XDH: variants seen among roughly 807,000 people sequenced by gnomAD.
The protein encoded by XDH is xanthine dehydrogenase/oxidase.
In XDH, 138 loss-of-function variants were observed where a neutral mutation model predicts 156.1. The observed-to-expected ratio is 0.88, with a 90% confidence interval of 0.77 to 1.02. XDH has a LOEUF of 1.02. Among genes scored for constraint, XDH ranks in the 50% least tolerant of loss-of-function variants. XDH has a pLI of 0.00. For synonymous variants in XDH, 669 were observed against 625.7 expected (o/e 1.07, Z -1.03); for missense variants, 1,849 against 1,684.9 (o/e 1.10, Z -1.71).
chr2:31,383,194 T>C (rs1274591595), intron 10 of XDH, 42 bp from the exon 11 acceptor site: 11 of 1,613,832 alleles, frequency 6.8e-6, no homozygotes, highest in Non-Finnish European at 9.3e-6. Flanking sequence ...CTTCCCACAG[T>C]TCAGAAGAGG....
intron 24 of XDH, among the ~76,000 whole-genome samples, chr2:31,354,906 G>C (rs1685585221): frequency 6.6e-6 from 1 of 152,180 alleles, no homozygotes; most frequent in African/African-American, 2.4e-5. Flanking sequence ...AAGGTTTCAA[G>C]ATATGTAAAC....
intron 31 of XDH, among the ~76,000 whole-genome samples, chr2:31,343,244 A>C (rs1175024130): frequency 1.4e-5 from 2 of 144,078 alleles, no homozygotes; most frequent in Non-Finnish European, 3.0e-5. Context: ...TGTAGGTCAG[A>C]TATTAAAAAC....
At chr2:31,367,075 C>A in intron 20 of XDH, 81 bp from the exon 21 acceptor site, 1 of 1,609,728 alleles carries the variant, frequency 6.2e-7, no homozygotes, top group East Asian at 2.2e-5. Context: ...GTATACTCTG[C>A]CAAGTGGTCT....
chr2:31,410,877 G>C (rs949090284), intron 1 of XDH, among the ~76,000 whole-genome samples: 1 of 152,174 alleles, frequency 6.6e-6, no homozygotes, highest in Non-Finnish European at 1.5e-5. Context: ...GCTGGGGTTG[G>C]GGAGTTATAA....
chr2:31,348,414 T>C (rs1225099446), intron 27 of XDH, 51 bp from the exon 28 acceptor site: 1 of 1,578,910 alleles, frequency 6.3e-7, no homozygotes, highest in Non-Finnish European at 8.7e-7. Context: ...ATCCAACTCA[T>C]TAAGGTTTGG....
rs1684957644 is a variant in XDH at position 31,335,874 on chromosome 2, A to G, written c.*84T>C. ...ACAGGTCTGTCATTCTGTGACTTTA[A>G]TAGATCCATGTTCTGTGGTATGTTC... On this transcript the variant is annotated 3_prime_UTR_variant, in exon 36 of 36. Coordinates refer to ENST00000379416, the MANE Select transcript of XDH (RefSeq NM_000379.4). The G allele has an allele frequency of 4.1e-6, 6 of 1,478,574 alleles. No homozygotes were observed. Among genetic ancestry groups the G allele is most frequent in the African/African-American group, 1.4e-5 (1 of 72,026 alleles). The allele number at this position is 1,478,574 out of a possible 1,614,324, so 91.6% of individuals were successfully genotyped here.
chr2:31,370,450 C>A lies in XDH; in HGVS notation c.1885G>T (p.Val629Phe), dbSNP rs148464316. The A allele has an allele frequency of 5.4e-4, 874 of 1,614,178 alleles. 3 individuals are homozygous for A. Among genetic ancestry groups the A allele is most frequent in the Non-Finnish European group, 6.5e-4 (762 of 1,180,020 alleles). The change falls in exon 18 of 36, where the codon GTT becomes TTT. Residue 629 changes from valine (V) to phenylalanine (F), a missense_variant. Coordinates refer to ENST00000379416, the MANE Select transcript of XDH (RefSeq NM_000379.4). The stretch of plus-strand genomic sequence containing the variant: ...GAAATGAAACAAACAAACCCTGGAA[C>A]CTTCTTAGCTTCTGATGTATCTATG... ...KSIDTSEAKK[V>F]PGFVCFISAD... is the part of the protein sequence containing the mutation.
chr2:31,357,413 C>A (rs975499851), intron 24 of XDH, among the ~76,000 whole-genome samples: 3 of 152,158 alleles, frequency 2.0e-5, no homozygotes, highest in Admixed American at 1.3e-4. Context: ...GCTATCACTA[C>A]AGACCCTGAA....
At chr2:31,372,126 T>C in intron 17 of XDH, 102 bp downstream of exon 17, 4 of 1,579,748 alleles carry the variant, frequency 2.5e-6, no homozygotes, top group Non-Finnish European at 3.5e-6. Context: ...CACCTCATTA[T>C]CTTTGCATCT....
chr2:31,366,000 G>A lies in XDH; in HGVS notation c.2432C>T (p.Thr811Met), dbSNP rs372844459. The change falls in exon 22 of 36, where the codon ACG (threonine) becomes ATG (methionine). Residue 811 changes from threonine (T) to methionine (M), a missense_variant. Physicochemically the swap from Thr to Met is moderately conservative, Grantham distance 81 (BLOSUM62 -1). Coordinates refer to ENST00000379416, the MANE Select transcript of XDH (RefSeq NM_000379.4). Reference sequence around the variant, plus strand: ...CTTATATGCAGCCAGGGCCACTGCCGTGGACACCACAGTGCTCCGGGTCTC... The same window carrying A: ...CTTATATGCAGCCAGGGCCACTGCCATGGACACCACAGTGCTCCGGGTCTC... ...GKETRSTVVS[T>M]AVALAAYKTG... 3.4e-5 allele frequency: 55 copies of A among 1,614,154 alleles called. No homozygotes were observed. Among genetic ancestry groups the A allele is most frequent in the Non-Finnish European group, 4.1e-5 (48 of 1,180,032 alleles).
intron 1 of XDH, among the ~76,000 whole-genome samples, chr2:31,408,384 C>T (rs1167307617): frequency 6.6e-6 from 1 of 152,144 alleles, no homozygotes; most frequent in Non-Finnish European, 1.5e-5. Context: ...TACCATGGTG[C>T]ACTCCATTGA....
At chr2:31,374,882 C>T (rs1176407144) in intron 15 of XDH, among the ~76,000 whole-genome samples, 1 of 152,156 alleles carries the variant, frequency 6.6e-6, no homozygotes, top group Admixed American at 6.5e-5. Flanking sequence ...CCTGCACTCT[C>T]TCTTGAAGAC....
intron 23 of XDH, among the ~76,000 whole-genome samples, chr2:31,364,845 T>A (rs1350522099): frequency 6.6e-6 from 1 of 152,038 alleles, no homozygotes; most frequent in Non-Finnish European, 1.5e-5. Context: ...TCAGAATAGG[T>A]CAAAGGCCAT....
chr2:31,398,380 C>T (rs1686968176), intron 5 of XDH, among the ~76,000 whole-genome samples, 193 bp downstream of exon 5: 1 of 152,186 alleles, frequency 6.6e-6, no homozygotes, highest in Non-Finnish European at 1.5e-5. Context: ...CAGGAGGTCT[C>T]CACACCAACC....
intron 29 of XDH, among the ~76,000 whole-genome samples, 156 bp downstream of exon 29, chr2:31,347,366 T>C (rs1408428513): frequency 6.6e-6 from 1 of 152,166 alleles, no homozygotes; most frequent in African/African-American, 2.4e-5. Flanking sequence ...TAGCTTGAGG[T>C]TTGGAGAAAC....
At chr2:31,352,403 C>T (rs978896060) in intron 24 of XDH, among the ~76,000 whole-genome samples, 2 of 152,060 alleles carry the variant, frequency 1.3e-5, no homozygotes, top group African/African-American at 4.8e-5. Context: ...TACTCTCTCT[C>T]TCCCACAAGT....
intron 6 of XDH, among the ~76,000 whole-genome samples, chr2:31,390,112 T>G (rs796223383): frequency 6.6e-5 from 10 of 152,332 alleles, no homozygotes; most frequent in African/African-American, 2.4e-4. Flanking sequence ...GTGTTGACCC[T>G]TATGATATCT....
chr2:31,345,717 G>C (rs1169452403), intron 30 of XDH, among the ~76,000 whole-genome samples: 3 of 152,120 alleles, frequency 2.0e-5, no homozygotes, highest in Admixed American at 2.0e-4. Context: ...GTGTGCGTTT[G>C]TGTGTGCGTG....
rs535454456 is a variant in XDH at position 31,360,979 on chromosome 2, G to A, written c.2631+3179C>T. Among the ~76,000 whole-genome samples, 20 of 152,270 alleles carry A rather than the reference G, an allele frequency of 1.3e-4. No individual in the cohort carries two copies. In the East Asian group the frequency reaches 3.7e-3, roughly 28 times the overall value. Reference sequence around the variant, plus strand: ...AGCTTCCATAAAACTTTACTAATTTGGATTAAGAACACAAGCCTGATTTAG... The same window carrying A: ...AGCTTCCATAAAACTTTACTAATTTAGATTAAGAACACAAGCCTGATTTAG... On this transcript the variant is annotated intron_variant, in intron 24 of 35. Transcript: ENST00000379416.
Sources: gnomAD v4.1 joint callset for allele counts (sites outside exome capture counted in the v4.1 genomes callset) on GRCh38, gnomAD v4.1.1 for gene constraint, MANE v1.5 for transcripts, NCBI Gene and HGNC (gene_info 2026-07-23, HGNC 2026-07-21) for gene names.